Variants in FBXL2 observed in about 807,000 individuals in gnomAD.
FBXL2 encodes F-box and leucine rich repeat protein 2, also known as F-box/LRR-repeat protein 2.
FBXL2 carries 38 observed loss-of-function variants against 69.2 expected under a neutral mutation model. That is an observed-to-expected ratio of 0.55 (90% CI 0.42 to 0.72). The LOEUF is 0.72. Ranked by LOEUF, FBXL2 falls within the 30% of genes least tolerant of loss-of-function variation. FBXL2 has a pLI of 0.00. For synonymous variants in FBXL2, 192 were observed against 201.3 expected (o/e 0.95, Z 0.39); for missense variants, 354 against 520.3 (o/e 0.68, Z 3.11).
At chr3:33,288,612 C>A (rs964209306) in intron 1 of FBXL2, among the ~76,000 whole-genome samples, 5 of 152,150 alleles carry the variant, frequency 3.3e-5, no homozygotes, top group Non-Finnish European at 1.5e-5. Flanking sequence ...AGAGAGGGCA[C>A]TACTCAAAGG....
chr3:33,366,964 C>G (rs1478047904), intron 5 of FBXL2, among the ~76,000 whole-genome samples: 1 of 152,072 alleles, frequency 6.6e-6, no homozygotes, highest in African/African-American at 2.4e-5. Context: ...AATAAAAAAA[C>G]AATTTTAAAA....
Position 33,356,348 on chromosome 3 carries a change from G to GTTTGT in FBXL2, c.66-2605_66-2601dup, listed in dbSNP as rs574056728. ...GAGAATAAAGGAGTTGCTCGAGTTGGTTTGTTTTGTTTTGTTTTTTTGAGA... is the reference window on the plus strand; with the variant it reads ...GAGAATAAAGGAGTTGCTCGAGTTGGTTTGTTTTGTTTTGTTTTGTTTTTTTGAGA... On this transcript the variant is annotated intron_variant, in intron 2 of 14. Transcript: ENST00000484457. Among the ~76,000 whole-genome samples, 57 of 151,724 alleles carry GTTTGT rather than the reference G, an allele frequency of 3.8e-4. 1 individual carries two copies. In the South Asian group the frequency reaches 0.011, roughly 29 times the overall value.
At chr3:33,362,677 T>C (rs1042746201) in intron 4 of FBXL2, among the ~76,000 whole-genome samples, 2 of 152,168 alleles carry the variant, frequency 1.3e-5, no homozygotes, top group African/African-American at 2.4e-5. Flanking sequence ...AACCTGCACA[T>C]TGTGCACATG....
At chr3:33,419,307 C>A in the FBXL2 span, among the ~76,000 whole-genome samples, 5 of 152,006 alleles carry the variant, frequency 3.3e-5, no homozygotes, top group African/African-American at 1.2e-4. Context: ...CCAGCCTGAC[C>A]AACATGGTGA....
At chr3:33,364,153 G>T (rs1048079258) in intron 4 of FBXL2, among the ~76,000 whole-genome samples, 12 of 152,122 alleles carry the variant, frequency 7.9e-5, no homozygotes, top group Non-Finnish European at 2.9e-5. Flanking sequence ...AGGAGGATGA[G>T]GGGGAGCTTT....
rs1352156335 is a variant in FBXL2, at chr3:33,387,309, A to T, written c.*1701A>T. 1 of 152,248 alleles carries T rather than the reference A, an allele frequency of 6.6e-6. No homozygotes were observed. Among genetic ancestry groups the T allele is most frequent in the African/African-American group, 2.4e-5 (1 of 41,462 alleles). The allele number at this position is 152,248 out of a possible 1,614,324, so 9.4% of individuals were successfully genotyped here. On this transcript the variant is annotated 3_prime_UTR_variant, in exon 15 of 15. Transcript: ENST00000484457. ...AATTAGTTTAGTTTCTATTAAAAAAAATTAACTTAAGGCTGGCCACGGTGG... is the reference window on the plus strand; with the variant it reads ...AATTAGTTTAGTTTCTATTAAAAAATATTAACTTAAGGCTGGCCACGGTGG...
intron 12 of FBXL2, chr3:33,403,124 C>T: frequency 2.1e-6 from 1 of 474,092 alleles, no homozygotes; most frequent in Non-Finnish European, 3.8e-6. Flanking sequence ...TAGAGAAGAC[C>T]TAAAGTGATG....
intron 12 of FBXL2, among the ~76,000 whole-genome samples, chr3:33,394,456 A>G (rs545570449): frequency 5.6e-4 from 86 of 152,282 alleles, no homozygotes; most frequent in Non-Finnish European, 1.0e-3. Context: ...AAAAGATACT[A>G]TATGAAAAGC....
Position 33,360,896 on chromosome 3 carries a change from T to G in FBXL2, c.195+1539T>G, listed in dbSNP as rs551387266. Among the ~76,000 whole-genome samples, 3 of 151,500 alleles carry G rather than the reference T, an allele frequency of 2.0e-5. No homozygotes were observed. The East Asian group carries it at 5.8e-4, about 29-fold the overall frequency. On this transcript the variant is annotated intron_variant, in intron 4 of 14. Transcript: ENST00000484457. ...TGATGACTTTTCCAACCATACAACT[T>G]TTTTGGAAAGCACATGAAGAACTTT...
intron 2 of FBXL2, among the ~76,000 whole-genome samples, chr3:33,342,181 T>C (rs1198531208): frequency 6.6e-6 from 1 of 151,044 alleles, no homozygotes; most frequent in Admixed American, 6.6e-5. Flanking sequence ...ATTTTTTGTA[T>C]TTTTTAGTAG....
chr3:33,331,433 C>T (rs1292673522), intron 2 of FBXL2, among the ~76,000 whole-genome samples: 1 of 152,050 alleles, frequency 6.6e-6, no homozygotes, highest in African/African-American at 2.4e-5. Context: ...GGATATGTGA[C>T]CACTACACCA....
chr3:33,394,066 G>GAGTGC (rs972492660), intron 12 of FBXL2, among the ~76,000 whole-genome samples: 1 of 151,754 alleles, frequency 6.6e-6, no homozygotes, highest in Non-Finnish European at 1.5e-5. Flanking sequence ...GCCCAGGCTG[G>GAGTGC]AGTGCAGTGA....
At chr3:33,356,333 G>A (rs1379934817) in intron 2 of FBXL2, among the ~76,000 whole-genome samples, 7 of 152,054 alleles carry the variant, frequency 4.6e-5, no homozygotes, top group Non-Finnish European at 8.8e-5. Context: ...GAGAATAAAG[G>A]AGTTGCTCGA....
At chr3:33,300,710 CT>C (rs576599326) in intron 2 of FBXL2, 152 of 137,848 alleles carry the variant, frequency 1.1e-3, no homozygotes, top group Admixed American at 1.5e-3. Context: ...GCTATGCTTT[CT>C]TTTTTTTTTT....
intron 5 of FBXL2, among the ~76,000 whole-genome samples, chr3:33,370,211 G>A (rs1004157842): frequency 2.0e-5 from 3 of 151,640 alleles, no homozygotes; most frequent in East Asian, 2.0e-4. Context: ...TCAGGAGATC[G>A]AGACCATCCT....
At chr3:33,336,153 CAA>C (rs1425159910) in intron 2 of FBXL2, among the ~76,000 whole-genome samples, 6 of 151,978 alleles carry the variant, frequency 3.9e-5, no homozygotes, top group Non-Finnish European at 5.9e-5. Flanking sequence ...TCACAAAGAA[CAA>C]GAGCAAAGTT....
chr3:33,284,714 A>G (rs1009592910), intron 1 of FBXL2, among the ~76,000 whole-genome samples: 2 of 152,144 alleles, frequency 1.3e-5, no homozygotes, highest in African/African-American at 4.8e-5. Context: ...GACTTGCTTT[A>G]TGAATCTGGG....
chr3:33,317,747 T>C (rs2037838700), intron 2 of FBXL2: 2 of 274,982 alleles, frequency 7.3e-6, no homozygotes, highest in Admixed American at 8.8e-5. Context: ...TGACTACATC[T>C]GAAGTGGATG....
At chr3:33,288,841 CTT>C (rs2034929323) in intron 1 of FBXL2, among the ~76,000 whole-genome samples, 1 of 152,046 alleles carries the variant, frequency 6.6e-6, no homozygotes, top group African/African-American at 2.4e-5. Flanking sequence ...GCATATATGA[CTT>C]ATATTTTATA....
Sources: allele counts gnomAD v4.1 joint callset (sites outside exome capture counted in the v4.1 genomes callset), GRCh38; gene constraint gnomAD v4.1.1; transcripts MANE v1.5; gene names NCBI Gene and HGNC (gene_info 2026-07-23, HGNC 2026-07-21).